The following POU2F1 variants were observed in gnomAD, a reference collection of about 807,000 sequenced individuals.
The protein encoded by POU2F1 is POU domain, class 2, transcription factor 1.
POU2F1 carries 16 observed loss-of-function variants against 84.9 expected under a neutral mutation model. The observed-to-expected ratio is 0.19, with a 90% CI of 0.13 to 0.29. The LOEUF (loss-of-function observed/expected upper bound fraction) is 0.29. Ranked by LOEUF, POU2F1 falls within the 10% of genes least tolerant of loss-of-function variation. The probability of loss-of-function intolerance (pLI) is 1.00; values close to 1 mark genes in which losing one functional copy is unlikely to be tolerated. For synonymous variants in POU2F1, 368 were observed against 368.3 expected, an observed-to-expected ratio of 1.00 and a Z score of 0.01; for missense variants, 738 against 942.6, an observed-to-expected ratio of 0.78 and a Z score of 2.84.
At chr1:167,407,091 C>T (rs1200513719) in intron 13 of POU2F1, among the ~76,000 whole-genome samples, 5 of 151,744 alleles carry the variant, frequency 3.3e-5, no homozygotes, top group African/African-American at 4.8e-5. Flanking sequence ...ATCACAGTGG[C>T]GCAATCACAT....
At chr1:167,405,859 C>T (rs1289848500) in intron 13 of POU2F1, among the ~76,000 whole-genome samples, 1 of 152,118 alleles carries the variant, frequency 6.6e-6, no homozygotes, top group African/African-American at 2.4e-5. Context: ...AAACAAGTTT[C>T]AGTAAATTAA....
intron 2 of POU2F1, chr1:167,357,510 C>G (rs1294880809): frequency 6.6e-6 from 1 of 151,702 alleles, no homozygotes; most frequent in Non-Finnish European, 1.5e-5. Context: ...GCCCAAGTTG[C>G]TGGGACTACA....
At chr1:167,363,777 A>G (rs925612011) in intron 2 of POU2F1, among the ~76,000 whole-genome samples, 12 of 152,240 alleles carry the variant, frequency 7.9e-5, no homozygotes, top group African/African-American at 2.9e-4. Context: ...ATTCATACAT[A>G]TCTTTTATAA....
rs1649025057 is a variant in POU2F1 at position 167,399,269 on chromosome 1, T to C, written c.1353T>C (p.Cys451=). Reference sequence around the variant, plus strand: ...AAGAGGTGATTCGTGTTTGGTTCTGTAACCGCCGCCAGAAAGAAAAAAGAA... The same window carrying C: ...AAGAGGTGATTCGTGTTTGGTTCTGCAACCGCCGCCAGAAAGAAAAAAGAA... The part of the protein sequence containing the change: ...MEKEVIRVWF[C]NRRQKEKRIN... The change falls in exon 12 of 16, where the codon TGT becomes TGC. Residue 451 remains cysteine, a synonymous_variant. Coordinates refer to ENST00000367866, the MANE Select transcript of POU2F1 (RefSeq NM_002697.4). 1 of 1,614,004 alleles carries C rather than the reference T, an allele frequency of 6.2e-7. No homozygotes were observed. The highest frequency in any genetic ancestry group is 1.3e-5 in the African/African-American group (1 of 74,994).
chr1:167,289,468 TGAG>T (rs1430359596), intron 1 of POU2F1, among the ~76,000 whole-genome samples: 1 of 152,178 alleles, frequency 6.6e-6, no homozygotes, highest in Admixed American at 6.5e-5. Context: ...AGGGTCTCTC[TGAG>T]GAGGTGACAT....
intron 1 of POU2F1, among the ~76,000 whole-genome samples, chr1:167,305,336 C>T (rs1444891436): frequency 6.6e-6 from 1 of 152,012 alleles, no homozygotes; most frequent in Non-Finnish European, 1.5e-5. Context: ...TACAGGCATA[C>T]ACCACCACAC....
chr1:167,403,933 A>C (rs1649380527), intron 13 of POU2F1, among the ~76,000 whole-genome samples: 2 of 152,182 alleles, frequency 1.3e-5, no homozygotes, highest in Admixed American at 1.3e-4. Flanking sequence ...GTCCAGTTAC[A>C]AAAGTATTTT....
chr1:167,298,252 C>G lies in POU2F1; in HGVS notation c.62-34218C>G, dbSNP rs539629115. Among the ~76,000 whole-genome samples, 6 of 152,196 alleles carry G rather than the reference C, an allele frequency of 3.9e-5. No homozygotes were observed. The South Asian group carries it at 1.2e-3, about 32-fold the overall frequency. On this transcript the variant is annotated intron_variant, in intron 1 of 15. Transcript: ENST00000367866. ...ATGGAATAAGACAGTAATGATGACT[C>G]CAGGATTTTTTTCTTTTGCATTTCT...
intron 2 of POU2F1, among the ~76,000 whole-genome samples, chr1:167,336,107 A>G (rs1439785795): frequency 2.6e-5 from 4 of 152,248 alleles, no homozygotes; most frequent in Non-Finnish European, 4.4e-5. Context: ...TCACAAATGT[A>G]TTAAAATTAT....
At chr1:167,322,803 A>G (rs986053999) in intron 1 of POU2F1, among the ~76,000 whole-genome samples, 12 of 152,220 alleles carry the variant, frequency 7.9e-5, no homozygotes, top group African/African-American at 1.9e-4. Flanking sequence ...TTTAGATTAA[A>G]ACGGGAAACA....
chr1:167,396,339 T>C lies in POU2F1; in HGVS notation c.1041T>C (p.Thr347=). 6.2e-7 allele frequency: 1 copy of C among 1,614,138 alleles called. No individual in the cohort carries two copies. The highest frequency in any genetic ancestry group is 8.5e-7 in the Non-Finnish European group (1 of 1,179,966). The change falls in exon 10 of 16, where the codon ACT becomes ACC. Residue 347 remains threonine (T), a synonymous_variant. Transcript: ENST00000367866. The stretch of plus-strand genomic sequence containing the variant: ...TATATGGAAATGACTTCAGCCAAAC[T>C]ACCATCTCTCGATTTGAAGCCTTGA... The part of the protein sequence containing the change: ...GKLYGNDFSQ[T]TISRFEALNL...
chr1:167,244,379 C>A (rs1650153370), intron 1 of POU2F1, among the ~76,000 whole-genome samples: 1 of 152,192 alleles, frequency 6.6e-6, no homozygotes, highest in South Asian at 2.1e-4. Context: ...GGTGGTCGAA[C>A]CGAGGACCCT....
At chr1:167,257,774 GT>G (rs11309465) in intron 1 of POU2F1, 60,518 of 141,412 alleles carry the variant, frequency 0.43, 14,153 homozygotes, top group East Asian at 0.71. Context: ...TTGGAAGCAG[GT>G]TTTTTTTTTT....
rs35666628 is a variant in POU2F1, at chr1:167,272,390, C to CA, written c.61+51447dup. Among the ~76,000 whole-genome samples, 551 of 82,048 alleles carry CA rather than the reference C, an allele frequency of 6.7e-3. 2 individuals carry two copies. The highest frequency in any genetic ancestry group is 0.013 in the Middle Eastern group (2 of 154). 53.8% of individuals were successfully genotyped at this position (82,048 alleles called of 152,430 possible). On this transcript the variant is annotated intron_variant, in intron 1 of 15. Coordinates refer to ENST00000367866, the MANE Select transcript of POU2F1 (RefSeq NM_002697.4). Reference sequence around the variant, plus strand: ...AGTATGTTCCCACACATTAGGATTTCAAAAAAAAAAAAAAACCATATTCAG... The same window carrying CA: ...AGTATGTTCCCACACATTAGGATTTCAAAAAAAAAAAAAAAACCATATTCAG...
rs145060941 is a variant in POU2F1, at chr1:167,393,538, G to T, written c.988-2748G>T. Among the ~76,000 whole-genome samples the T allele has an allele frequency of 1.6e-3, 237 of 151,652 alleles. 1 individual carries two copies. Among genetic ancestry groups the T allele is most frequent in the African/African-American group, 5.5e-3 (225 of 41,272 alleles). ...TTAGAGAGAGGGTCTCACTCTCTTG[G>T]CTCTGGCTGGAGTGCAGTGGCACAA... On this transcript the variant is annotated intron_variant, in intron 9 of 15. Coordinates refer to ENST00000367866, the MANE Select transcript of POU2F1 (RefSeq NM_002697.4).
In POU2F1 at chr1:167,414,972, TCTGGA is replaced by T. The variant is rs1650205577; in HGVS notation, c.1991-527_1991-523del. On this transcript the variant is annotated intron_variant, in intron 15 of 15. Transcript: ENST00000367866. ...ATAGCCACATTGTGGTGGCGTGGTT[TCTGGA>T]TGACACTGTTTCCACCTCAGATCGT... Among the ~76,000 whole-genome samples the T allele has an allele frequency of 4.6e-5, 7 of 152,164 alleles. No homozygotes were observed. In the South Asian group the frequency reaches 1.5e-3, roughly 32 times the overall value.
chr1:167,416,087 T>TAAACAAAAAAAAAA lies in POU2F1; in HGVS notation c.*280_*281insCAAAAAAAAAAAAA. ...ATTGGAGAACTTTCTAACCAAAAAT[T>TAAACAAAAAAAAAA]AAAAAAAAAAAAAAAAAAAGAAACA... is the stretch of plus-strand genomic sequence containing the variant. On this transcript the variant is annotated 3_prime_UTR_variant, in exon 16 of 16. Coordinates refer to ENST00000367866, the MANE Select transcript of POU2F1 (RefSeq NM_002697.4). 2.8e-6 allele frequency: 1 copy of TAAACAAAAAAAAAA among 351,044 alleles called. No individual in the cohort carries two copies. The highest frequency in any genetic ancestry group is 5.2e-6 in the Non-Finnish European group (1 of 192,874). 21.7% of individuals were successfully genotyped at this position (351,044 alleles called of 1,614,324 possible).
In POU2F1 at chr1:167,418,481, C is replaced by G. The variant is rs1650444480; in HGVS notation, c.*2671C>G. On this transcript the variant is annotated 3_prime_UTR_variant, in exon 16 of 16. Coordinates refer to ENST00000367866, the MANE Select transcript of POU2F1 (RefSeq NM_002697.4). Reference sequence around the variant, plus strand: ...GCTGCCCATAATAATGAGTCCCTCCCTTGGGAGTGGTGAAACTTAGAAGGA... The same window carrying G: ...GCTGCCCATAATAATGAGTCCCTCCGTTGGGAGTGGTGAAACTTAGAAGGA... 1 of 152,126 alleles carries G rather than the reference C, an allele frequency of 6.6e-6. No individual in the cohort carries two copies. Among genetic ancestry groups the G allele is most frequent in the Non-Finnish European group, 1.5e-5 (1 of 68,030 alleles). The allele number at this position is 152,126 out of a possible 1,614,324, so 9.4% of individuals were successfully genotyped here.
intron 1 of POU2F1, among the ~76,000 whole-genome samples, chr1:167,313,227 G>GGC (rs56939906): frequency 0.1 from 15,277 of 152,136 alleles, 1,938 homozygotes; most frequent in African/African-American, 0.3. Flanking sequence ...GGGATTAGAA[G>GGC]ATAACATAGG....
Sources: gnomAD v4.1 joint callset for allele counts (sites outside exome capture counted in the v4.1 genomes callset) on GRCh38, gnomAD v4.1.1 for gene constraint, MANE v1.5 for transcripts, NCBI Gene and HGNC (gene_info 2026-07-23, HGNC 2026-07-21) for gene names.